Variants in RSRC1 observed in about 807,000 individuals in gnomAD.
The protein encoded by RSRC1 is arginine and serine rich coiled-coil 1, also known as serine/Arginine-related protein 53.
RSRC1 carries 39 observed loss-of-function variants against 49.1 expected under a neutral mutation model. That is an observed-to-expected ratio of 0.79 (90% CI 0.61 to 1.04). RSRC1 has a LOEUF of 1.04. Among genes scored for constraint, RSRC1 ranks in the 50% least tolerant of loss-of-function variants. The pLI is 0.00. For missense variants in RSRC1, 388 were observed against 402.4 expected (o/e 0.96, Z 0.31); for synonymous variants, 143 against 130.8 (o/e 1.09, Z -0.63).
chr3:158,432,119 A>C (rs921012541), intron 6 of RSRC1, among the ~76,000 whole-genome samples: 1 of 151,716 alleles, frequency 6.6e-6, no homozygotes, highest in Non-Finnish European at 1.5e-5. Context: ...AATCTCCCTC[A>C]CCTTCTCTGC....
intron 4 of RSRC1, among the ~76,000 whole-genome samples, chr3:158,241,470 AT>A (rs936006630): frequency 6.6e-6 from 1 of 151,400 alleles, no homozygotes; most frequent in African/African-American, 2.4e-5. Flanking sequence ...ATATATATAT[AT>A]ATTATAAAAA....
intron 7 of RSRC1, 63 bp downstream of exon 7, chr3:158,461,066 C>T (rs937461845): frequency 2.4e-6 from 3 of 1,251,488 alleles, no homozygotes; most frequent in Admixed American, 2.0e-5. Flanking sequence ...CTGAATAGAC[C>T]GTAGAATATA....
At chr3:158,183,808 C>T (rs1204473357) in intron 3 of RSRC1, among the ~76,000 whole-genome samples, 3 of 151,632 alleles carry the variant, frequency 2.0e-5, no homozygotes, top group African/African-American at 4.8e-5. Context: ...CCTAGCTACT[C>T]GGGGGGCTGA....
At chr3:158,467,245 A>G (rs1389825010) in intron 7 of RSRC1, among the ~76,000 whole-genome samples, 2 of 152,230 alleles carry the variant, frequency 1.3e-5, no homozygotes, top group Non-Finnish European at 2.9e-5. Context: ...AAAATCAGTC[A>G]AAGAGAAAAT....
At chr3:158,122,066 A>G (rs1052431186) in intron 1 of RSRC1, 37 bp from the exon 2 acceptor site, 1 of 1,252,404 alleles carries the variant, frequency 8.0e-7, no homozygotes, top group African/African-American at 1.6e-5. Context: ...TTGTGCCACC[A>G]TGTTAGAAAT....
chr3:158,205,666 C>T (rs559701251), intron 4 of RSRC1, among the ~76,000 whole-genome samples: 1 of 152,178 alleles, frequency 6.6e-6, no homozygotes, highest in Admixed American at 6.5e-5. Flanking sequence ...TGTAACGAAA[C>T]CTAACTAAGA....
intron 3 of RSRC1, among the ~76,000 whole-genome samples, chr3:158,158,554 A>G (rs1313386466): frequency 2.0e-5 from 3 of 152,042 alleles, no homozygotes; most frequent in African/African-American, 7.2e-5. Context: ...CTTTTCCCCC[A>G]CCTTCACTAT....
At chr3:158,375,654 T>G (rs926846771) in intron 6 of RSRC1, among the ~76,000 whole-genome samples, 3 of 152,156 alleles carry the variant, frequency 2.0e-5, no homozygotes, top group Non-Finnish European at 4.4e-5. Flanking sequence ...TTAGAACCAT[T>G]TATTAGGAAG....
At chr3:158,249,592 TTGTA>T (rs1203023705) in intron 4 of RSRC1, among the ~76,000 whole-genome samples, 2 of 152,194 alleles carry the variant, frequency 1.3e-5, no homozygotes, top group African/African-American at 4.8e-5. Context: ...GTATAAGTCT[TTGTA>T]TGGACGTATT....
At chr3:158,228,442 T>C (rs1053669702) in intron 4 of RSRC1, among the ~76,000 whole-genome samples, 1 of 99,880 alleles carries the variant, frequency 1.0e-5, no homozygotes, top group Non-Finnish European at 2.2e-5. Flanking sequence ...TAGTAAACCA[T>C]TGAGAACTAC....
chr3:158,402,798 A>G (rs1355698136), intron 6 of RSRC1, among the ~76,000 whole-genome samples: 1 of 151,856 alleles, frequency 6.6e-6, no homozygotes, highest in South Asian at 2.1e-4. Context: ...CCAATTAGTT[A>G]TCATTTATAC....
rs1386265508 is a variant in RSRC1 at position 158,539,889 on chromosome 3, A to G, written c.759+2691A>G. Among the ~76,000 whole-genome samples, 1 of 152,172 alleles carries G rather than the reference A, an allele frequency of 6.6e-6. No individual in the cohort carries two copies. Among genetic ancestry groups the G allele is most frequent in the East Asian group, 1.9e-4 (1 of 5,194 alleles). ...AACAAGATGAGATTGCTTGGTTTAT[A>G]TGGTAGAATCTTATCTCTGCTACCT... On this transcript the variant is annotated intron_variant, in intron 8 of 9. Transcript: ENST00000611884. The surrounding 1 kb of genome is among the most constrained non-coding windows in gnomAD (Gnocchi z 4.1).
intron 5 of RSRC1, among the ~76,000 whole-genome samples, chr3:158,331,746 C>T (rs1729558520): frequency 6.6e-6 from 1 of 150,810 alleles, no homozygotes; most frequent in African/African-American, 2.4e-5. Flanking sequence ...TTCCTCATGG[C>T]CTAACAAATA....
chr3:158,432,404 A>G (rs978833195), intron 6 of RSRC1, among the ~76,000 whole-genome samples: 3 of 151,916 alleles, frequency 2.0e-5, no homozygotes, highest in Admixed American at 2.0e-4. Flanking sequence ...AAGAGAGTCT[A>G]TGGGGAGTTT....
intron 4 of RSRC1, among the ~76,000 whole-genome samples, chr3:158,210,110 T>C (rs1729997): frequency 0.57 from 86,740 of 151,804 alleles, 25,142 homozygotes; most frequent in East Asian, 0.73. Context: ...CCTAACCTGT[T>C]ATTTATACAG....
At chr3:158,479,930 T>C (rs1473985888) in intron 7 of RSRC1, among the ~76,000 whole-genome samples, 1 of 152,056 alleles carries the variant, frequency 6.6e-6, no homozygotes, top group Non-Finnish European at 1.5e-5. Context: ...GATTTTGCTC[T>C]CAAGCTTTCA....
At chr3:158,146,356 C>T (rs951154759) in intron 3 of RSRC1, among the ~76,000 whole-genome samples, 4 of 151,972 alleles carry the variant, frequency 2.6e-5, no homozygotes, top group Non-Finnish European at 4.4e-5. Context: ...TGAATTTTGT[C>T]GAAGGCCTTT....
intron 3 of RSRC1, among the ~76,000 whole-genome samples, chr3:158,148,737 C>G (rs902530100): frequency 6.6e-6 from 1 of 150,976 alleles, no homozygotes; most frequent in Non-Finnish European, 1.5e-5. Flanking sequence ...TCTAGTTCTG[C>G]AGAACTGGAT....
chr3:158,360,072 T>C (rs1343577370), intron 6 of RSRC1, among the ~76,000 whole-genome samples: 1 of 151,930 alleles, frequency 6.6e-6, no homozygotes, highest in Non-Finnish European at 1.5e-5. Flanking sequence ...TGCAGCTCTC[T>C]GCAGAGAGAA....
Sources: gnomAD v4.1 joint callset for allele counts (sites outside exome capture counted in the v4.1 genomes callset) on GRCh38, gnomAD v4.1.1 for gene constraint, Gnocchi (gnomAD v3.1) non-coding constraint, MANE v1.5 for transcripts, NCBI Gene and HGNC (gene_info 2026-07-23, HGNC 2026-07-21) for gene names.